SARAF: variants seen among roughly 807,000 people sequenced by gnomAD.
SARAF encodes store-operated calcium entry-associated regulatory factor.
In SARAF, 23 loss-of-function variants were observed where a neutral mutation model predicts 39.7. The ratio of observed to expected loss-of-function variants is 0.58; its 90% CI spans 0.42 to 0.82. SARAF has a LOEUF of 0.82. SARAF is among the 40% of genes least tolerant of loss of function. The pLI is 0.00. For synonymous variants in SARAF, 175 were observed against 168.5 expected, an observed-to-expected ratio of 1.04 and a Z score of -0.30; for missense variants, 384 against 418.5, an observed-to-expected ratio of 0.92 and a Z score of 0.72.
chr8:30,081,803 GTATC>G (rs1802105471), intron 1 of SARAF, among the ~76,000 whole-genome samples: 1 of 150,696 alleles, frequency 6.6e-6, no homozygotes, highest in East Asian at 1.9e-4. Flanking sequence ...GTCAAAATCT[GTATC>G]TAAGTATATA....
At chr8:30,070,168 C>G in intron 2 of SARAF, 109 bp from the exon 3 acceptor site, 14 of 995,454 alleles carry the variant, frequency 1.4e-5, no homozygotes, top group South Asian at 3.3e-5. Context: ...TCAGCACTTT[C>G]GGAGGCCAAG....
In SARAF at chr8:30,069,699, G is replaced by T; in HGVS notation, c.643C>A (p.Gln215Lys). ...GGTCCTGCTGAGTTGGTGAATCTCT[G>T]GTAACGGTGGGAAAATGGAGGATAC... ...SEYPPFSHRY[Q>K]RFTNSAGPPP... Residue 215 changes from glutamine (Q) to lysine (K), a missense_variant, in exon 3 of 6, where the codon CAG (glutamine) becomes AAG (lysine). Gln to Lys is a moderately conservative substitution (Grantham distance 53). Transcript: ENST00000256255. 1.9e-6 allele frequency: 3 copies of T among 1,614,088 alleles called. No homozygotes were observed. Among genetic ancestry groups the T allele is most frequent in the African/African-American group, 1.3e-5 (1 of 74,992 alleles).
chr8:30,065,278 C>G (rs1801658093), intron 5 of SARAF, among the ~76,000 whole-genome samples: 1 of 152,112 alleles, frequency 6.6e-6, no homozygotes. Flanking sequence ...ACTGCTCTGT[C>G]CTTTGGAAGT....
chr8:30,064,822 C>T (rs1285585285), intron 5 of SARAF, among the ~76,000 whole-genome samples: 17 of 151,832 alleles, frequency 1.1e-4, no homozygotes, highest in Non-Finnish European at 1.0e-4. Context: ...CTCAGCTTCC[C>T]AAAGTGCTGG....
intron 1 of SARAF, among the ~76,000 whole-genome samples, chr8:30,078,650 A>T (rs527866204): frequency 6.6e-6 from 1 of 152,230 alleles, no homozygotes; most frequent in African/African-American, 2.4e-5. Flanking sequence ...TGTATTTCCC[A>T]CAAGTATTTA....
Position 30,064,548 on chromosome 8 carries a change from TATATATATATATA to T in SARAF, c.995-648_995-636del, listed in dbSNP as rs369870025. ...TCTTACCTAGCCATATATATATATA[TATATATATATATA>T]TTTTTTTTTTTTTTTTTTGAGACAG... On this transcript the variant is annotated intron_variant, in intron 5 of 5. Transcript: ENST00000256255. 6.7e-4 allele frequency among the ~76,000 whole-genome samples: 32 copies of T among 47,670 alleles called. 1 individual carries two copies. The highest frequency in any genetic ancestry group is 8.5e-4 in the Non-Finnish European group (20 of 23,554). 31.3% of individuals were successfully genotyped at this position (47,670 alleles called of 152,430 possible). A position where few individuals can be genotyped will look rare whatever the true frequency, so the allele number is the denominator to read the frequency against.
chr8:30,081,981 G>A (rs1277093799), intron 1 of SARAF, among the ~76,000 whole-genome samples: 1 of 151,942 alleles, frequency 6.6e-6, no homozygotes, highest in Non-Finnish European at 1.5e-5. Flanking sequence ...CTTCTCTACG[G>A]TGAAAGCCAA....
intron 2 of SARAF, 116 bp from the exon 3 acceptor site, chr8:30,070,175 CAA>C: frequency 1.1e-6 from 1 of 906,118 alleles, no homozygotes; most frequent in Non-Finnish European, 1.7e-6. Context: ...TTTCGGAGGC[CAA>C]GGCGGGTGGA....
At position 30,074,026 on chromosome 8, in the gene SARAF, G is replaced by A. The variant is rs774537986; in HGVS notation, c.133C>T (p.Leu45Phe). The change falls in exon 2 of 6, where the codon CTT (leucine) becomes TTT (phenylalanine). Residue 45 changes from leucine (L) to phenylalanine (F), a missense_variant. Leu to Phe is a conservative substitution (Grantham distance 22). Transcript: ENST00000256255. Reference sequence around the variant, plus strand: ...GTATAGCGGTCATAGTGGAGGGTAAGAGCTTTTACATCCCGCAGCAACATT... The same window carrying A: ...GTATAGCGGTCATAGTGGAGGGTAAAAGCTTTTACATCCCGCAGCAACATT... ...DRMLLRDVKA[L>F]TLHYDRYTTS... 2.5e-6 allele frequency: 4 copies of A among 1,613,768 alleles called. No homozygotes were observed. The highest frequency in any genetic ancestry group is 2.7e-5 in the African/African-American group (2 of 74,908).
At chr8:30,068,149 C>A (rs1247615629) in intron 3 of SARAF, among the ~76,000 whole-genome samples, 1 of 152,162 alleles carries the variant, frequency 6.6e-6, no homozygotes, top group Non-Finnish European at 1.5e-5. Flanking sequence ...GCTCCACGGC[C>A]TGTTAGGAAC....
chr8:30,082,944 G>T lies in SARAF; in HGVS notation c.6C>A (p.Ala2=). ...CGGCCGCTCCCGGCCCGCAGGCTGC[G>T]GCCATGGCGCTCGATGAAGATGGCG... is the stretch of plus-strand genomic sequence containing the variant. The part of the protein sequence containing the change: M[A]AACGPGAAGY... Residue 2 remains alanine, a synonymous_variant, in exon 1 of 6, where the codon GCC becomes GCA. Transcript: ENST00000256255. 1.3e-6 allele frequency: 2 copies of T among 1,543,618 alleles called. No individual in the cohort carries two copies. The highest frequency in any genetic ancestry group is 8.7e-7 in the Non-Finnish European group (1 of 1,145,462).
chr8:30,066,298 T>C (rs1332526307), intron 4 of SARAF, among the ~76,000 whole-genome samples, 159 bp from the exon 5 acceptor site: 1 of 152,212 alleles, frequency 6.6e-6, no homozygotes, highest in East Asian at 1.9e-4. Flanking sequence ...AACCGTTTCA[T>C]ATTTCTGCCA....
Position 30,073,906 on chromosome 8 carries a change from T to G in SARAF, c.253A>C (p.Asn85His). The G allele has an allele frequency of 6.2e-7, 1 of 1,614,196 alleles. No individual in the cohort carries two copies. The highest frequency in any genetic ancestry group is 8.5e-7 in the Non-Finnish European group (1 of 1,180,036). ...ACATCATACCCATCCCAGCCTTTGT[T>G]CTGACACTGTATGACTTTTGGGGTA... ...SYTPKVIQCQ[N>H]KGWDGYDVQW... Residue 85 changes from asparagine (N) to histidine (H), a missense_variant, in exon 2 of 6, where the codon AAC becomes CAC. Asn to His is a moderately conservative substitution (Grantham distance 68, BLOSUM62 1). Transcript: ENST00000256255.
intron 1 of SARAF, among the ~76,000 whole-genome samples, chr8:30,075,967 C>T (rs1210982125): frequency 3.7e-5 from 2 of 54,552 alleles, no homozygotes; most frequent in Non-Finnish European, 3.4e-5. Flanking sequence ...ACCTGATGTA[C>T]ATAACAGAAT....
At position 30,064,548 on chromosome 8, in the gene SARAF, TATATA is replaced by T. The variant is rs1563349830; in HGVS notation, c.995-640_995-636del. Among the ~76,000 whole-genome samples, 310 of 47,572 alleles carry T rather than the reference TATATA, an allele frequency of 6.5e-3. 4 individuals carry two copies. The highest frequency in any genetic ancestry group is 0.017 in the Middle Eastern group (2 of 116). The allele number at this position is 47,572 out of a possible 152,430, so 31.2% of individuals were successfully genotyped here. A position where few individuals can be genotyped will look rare whatever the true frequency, so the allele number is the denominator to read the frequency against. ...TCTTACCTAGCCATATATATATATA[TATATA>T]TATATATATTTTTTTTTTTTTTTTT... is the stretch of plus-strand genomic sequence containing the variant. On this transcript the variant is annotated intron_variant, in intron 5 of 5. Coordinates refer to ENST00000256255, the MANE Select transcript of SARAF (RefSeq NM_016127.6).
In SARAF at chr8:30,077,695, G is replaced by A. The variant is rs111951973; in HGVS notation, c.104-3640C>T. ...CGCGTGCCTGTAGTCCCAGCTACTCGGGGGGCTGAGGCAGGAGAATTGCTT... is the reference window on the plus strand; with the variant it reads ...CGCGTGCCTGTAGTCCCAGCTACTCAGGGGGCTGAGGCAGGAGAATTGCTT... On this transcript the variant is annotated intron_variant, in intron 1 of 5. Transcript: ENST00000256255. Among the ~76,000 whole-genome samples, 5 of 150,864 alleles carry A rather than the reference G, an allele frequency of 3.3e-5. 1 individual carries two copies. Among genetic ancestry groups the A allele is most frequent in the East Asian group, 2.0e-4 (1 of 5,062 alleles).
In SARAF at chr8:30,075,413, C is replaced by A. The variant is rs1327645220; in HGVS notation, c.104-1358G>T. On this transcript the variant is annotated intron_variant, in intron 1 of 5. Coordinates refer to ENST00000256255, the MANE Select transcript of SARAF (RefSeq NM_016127.6). ...AGATGCTGTGGATTGGCTCAGTCAA[C>A]ATCCACTTCACCCTCAAACAGGTAT... Among the ~76,000 whole-genome samples, 3 of 152,152 alleles carry A rather than the reference C, an allele frequency of 2.0e-5. No individual in the cohort carries two copies. In the East Asian group the frequency reaches 5.8e-4, roughly 29 times the overall value.
chr8:30,077,530 G>A (rs1002402280), intron 1 of SARAF, among the ~76,000 whole-genome samples: 14 of 152,106 alleles, frequency 9.2e-5, no homozygotes, highest in African/African-American at 3.1e-4. Flanking sequence ...GAGGCCGGGC[G>A]TGGTGGCTCA....
Position 30,063,775 on chromosome 8 carries a change from A to G in SARAF, c.*113T>C. 2 of 919,040 alleles carry G rather than the reference A, an allele frequency of 2.2e-6. No individual in the cohort carries two copies. Among genetic ancestry groups the G allele is most frequent in the East Asian group, 2.4e-5 (1 of 41,198 alleles). 56.9% of individuals were successfully genotyped at this position (919,040 alleles called of 1,614,324 possible). A position where few individuals can be genotyped will look rare whatever the true frequency, so the allele number is the denominator to read the frequency against. ...GCTACACTGGACATAACACCACAGA[A>G]CTTTTGAATATCCCCTTTTCCCAAT... On this transcript the variant is annotated 3_prime_UTR_variant, in exon 6 of 6. Coordinates refer to ENST00000256255, the MANE Select transcript of SARAF (RefSeq NM_016127.6).
Sources: gnomAD v4.1 joint callset for allele counts (sites outside exome capture counted in the v4.1 genomes callset) on GRCh38, gnomAD v4.1.1 for gene constraint, MANE v1.5 for transcripts, NCBI Gene and HGNC (gene_info 2026-07-23, HGNC 2026-07-21) for gene names.